Variants in ADGRL3 observed in about 807,000 individuals in gnomAD.
ADGRL3 encodes the protein adhesion G protein-coupled receptor L3, also known as calcium-independent alpha-latrotoxin receptor 3.
A neutral mutation model predicts 153.5 loss-of-function variants in ADGRL3; 62 were observed. The observed-to-expected ratio is 0.40, with a 90% CI of 0.33 to 0.50. The LOEUF (loss-of-function observed/expected upper bound fraction) is 0.50, where lower values mean the gene tolerates loss of function less well. Among genes scored for constraint, ADGRL3 ranks in the 20% least tolerant of loss-of-function variants. The probability of loss-of-function intolerance (pLI) is 0.47; values close to 1 mark genes in which losing one functional copy is unlikely to be tolerated. For synonymous variants in ADGRL3, 710 were observed against 672.5 expected (o/e 1.06, Z -0.86); for missense variants, 1,641 against 1,859.4 (o/e 0.88, Z 2.16).
intron 8 of ADGRL3, among the ~76,000 whole-genome samples, chr4:61,788,226 C>A (rs2097300321): frequency 1.3e-5 from 2 of 152,172 alleles, no homozygotes; most frequent in Non-Finnish European, 2.9e-5. Context: ...ACTGCAAGCA[C>A]AACCAGCATT....
intron 8 of ADGRL3, among the ~76,000 whole-genome samples, chr4:61,771,412 A>G (rs1441785278): frequency 6.6e-6 from 1 of 152,208 alleles, no homozygotes; most frequent in Non-Finnish European, 1.5e-5. Flanking sequence ...CAGGCTCTGA[A>G]GATCAGCCTC....
At chr4:61,833,958 C>CTTTTTTTTTTTT (rs113049750) in intron 9 of ADGRL3, among the ~76,000 whole-genome samples, 1 of 123,462 alleles carries the variant, frequency 8.1e-6, no homozygotes, top group African/African-American at 2.9e-5. Context: ...AAGGCAGCTT[C>CTTTTTTTTTTTT]TTTTTTTTTT....
chr4:61,930,301 A>T (rs908319194), intron 13 of ADGRL3, among the ~76,000 whole-genome samples: 4 of 152,046 alleles, frequency 2.6e-5, no homozygotes, highest in Non-Finnish European at 5.9e-5. Flanking sequence ...GTTCCCCCAG[A>T]TGATTCTGCT....
At chr4:61,423,161 A>T (rs1006370171) in intron 2 of ADGRL3, among the ~76,000 whole-genome samples, 1 of 152,210 alleles carries the variant, frequency 6.6e-6, no homozygotes, top group Non-Finnish European at 1.5e-5. Context: ...GCAGTTTTAC[A>T]TATCTGGTTT....
chr4:61,454,172 T>A (rs1013523637), intron 2 of ADGRL3, among the ~76,000 whole-genome samples: 7 of 152,240 alleles, frequency 4.6e-5, no homozygotes, highest in Non-Finnish European at 1.0e-4. Flanking sequence ...ACCCAGGAAG[T>A]AGTTTTCCTG....
chr4:61,876,152 T>A (rs1302144508), intron 9 of ADGRL3, among the ~76,000 whole-genome samples: 1 of 152,224 alleles, frequency 6.6e-6, no homozygotes, highest in Non-Finnish European at 1.5e-5. Flanking sequence ...ACTGCTTGCA[T>A]ATCTCATATG....
At chr4:61,808,010 T>C (rs1458609333) in intron 8 of ADGRL3, among the ~76,000 whole-genome samples, 1 of 152,132 alleles carries the variant, frequency 6.6e-6, no homozygotes, top group African/African-American at 2.4e-5. Context: ...ACTCAAAATG[T>C]TCCTCCTGTC....
chr4:61,913,741 C>T (rs1447804398), intron 13 of ADGRL3, among the ~76,000 whole-genome samples: 1 of 151,934 alleles, frequency 6.6e-6, no homozygotes, highest in East Asian at 1.9e-4. Context: ...CTCGGTAGTA[C>T]AGAATTGAGA....
intron 15 of ADGRL3, among the ~76,000 whole-genome samples, chr4:61,937,321 G>A (rs2098843551): frequency 6.6e-6 from 1 of 151,726 alleles, no homozygotes; most frequent in South Asian, 2.1e-4. Flanking sequence ...TCTTCAGCAT[G>A]TTCTGTGTGA....
chr4:61,612,797 T>A (rs1002406507), intron 5 of ADGRL3, among the ~76,000 whole-genome samples: 2 of 152,162 alleles, frequency 1.3e-5, no homozygotes, highest in Non-Finnish European at 2.9e-5. Context: ...ATATATGGGA[T>A]GTCTGAAGTG....
At chr4:61,730,666 C>T in intron 7 of ADGRL3, 30 bp downstream of exon 7, 1 of 510,342 alleles carries the variant, frequency 2.0e-6, no homozygotes, top group Non-Finnish European at 3.3e-6. Context: ...AAATTATATA[C>T]TATTTATAGG....
intron 4 of ADGRL3, among the ~76,000 whole-genome samples, chr4:61,519,817 G>T (rs1016024662): frequency 6.6e-6 from 1 of 151,892 alleles, no homozygotes; most frequent in African/African-American, 2.4e-5. Flanking sequence ...AAACAAGTCT[G>T]TTCTAGAAAC....
chr4:61,517,076 GTTTT>G (rs11315799), intron 3 of ADGRL3, among the ~76,000 whole-genome samples: 1 of 140,056 alleles, frequency 7.1e-6, no homozygotes. Flanking sequence ...ATTAGGATGA[GTTTT>G]TTTTTTTTTT....
At chr4:61,647,636 T>C (rs1479157957) in intron 5 of ADGRL3, among the ~76,000 whole-genome samples, 1 of 152,108 alleles carries the variant, frequency 6.6e-6, no homozygotes, top group Non-Finnish European at 1.5e-5. Flanking sequence ...AGAGCTGATA[T>C]AAATTTATTT....
intron 2 of ADGRL3, among the ~76,000 whole-genome samples, chr4:61,489,118 A>G (rs2098229511): frequency 6.6e-6 from 1 of 152,038 alleles, no homozygotes; most frequent in Non-Finnish European, 1.5e-5. Flanking sequence ...CTTCTTATAT[A>G]TATTACCTTT....
intron 19 of ADGRL3, among the ~76,000 whole-genome samples, chr4:61,991,321 G>C (rs1322812131): frequency 6.6e-6 from 1 of 151,756 alleles, no homozygotes; most frequent in Non-Finnish European, 1.5e-5. Context: ...TGTGTCACGG[G>C]GGCTTCTTGT....
intron 21 of ADGRL3, among the ~76,000 whole-genome samples, chr4:62,000,791 T>A (rs6551672): frequency 0.58 from 87,291 of 151,786 alleles, 25,714 homozygotes; most frequent in East Asian, 0.79. Flanking sequence ...TTATTTATTT[T>A]TTTTTCAAGA....
chr4:61,225,161 T>C (rs572237431), intron 1 of ADGRL3, among the ~76,000 whole-genome samples: 190 of 152,346 alleles, frequency 1.2e-3, no homozygotes, highest in African/African-American at 4.3e-3. Context: ...TTTAGTAATT[T>C]GTACTCTGGT....
chr4:61,895,390 C>T (rs1050294360), intron 10 of ADGRL3, among the ~76,000 whole-genome samples: 1 of 151,852 alleles, frequency 6.6e-6, no homozygotes, highest in South Asian at 2.1e-4. Context: ...CACTTGAACC[C>T]GGGAGGCAGA....
Sources: gnomAD v4.1 joint callset for allele counts (sites outside exome capture counted in the v4.1 genomes callset) on GRCh38, gnomAD v4.1.1 for gene constraint, MANE v1.5 for transcripts, NCBI Gene and HGNC (gene_info 2026-07-23, HGNC 2026-07-21) for gene names.